Variants in PDC observed in about 807,000 individuals in gnomAD.
PDC encodes 33 kDa phototransducing protein.
A neutral mutation model predicts 22.2 loss-of-function variants in PDC; 19 were observed. The ratio of observed to expected loss-of-function variants is 0.86; its 90% CI spans 0.60 to 1.26. The LOEUF (loss-of-function observed/expected upper bound fraction) is 1.26. PDC is among the 50% of genes most tolerant of loss of function. PDC has a pLI of 0.00. For missense variants in PDC, 274 were observed against 286.8 expected (o/e 0.96, Z 0.32); for synonymous variants, 97 against 96.2 (o/e 1.01, Z -0.05).
chr1:186,451,343 T>G (rs921525594), intron 1 of PDC: 8 of 152,104 alleles, frequency 5.3e-5, no homozygotes, highest in African/African-American at 1.9e-4. Context: ...TAATGGAAAA[T>G]GGAAAGTAAA....
intron 2 of PDC, among the ~76,000 whole-genome samples, chr1:186,447,294 G>A (rs1036387989): frequency 2.9e-4 from 44 of 152,026 alleles, no homozygotes; most frequent in African/African-American, 9.6e-4. Context: ...GACTACAGGC[G>A]CATACCACCA....
At chr1:186,446,340 G>T in intron 3 of PDC, 86 bp downstream of exon 3, 5 of 990,344 alleles carry the variant, frequency 5.0e-6, no homozygotes, top group East Asian at 2.6e-5. Context: ...AATATATTTT[G>T]TAATAGTCTA....
intron 2 of PDC, among the ~76,000 whole-genome samples, chr1:186,447,109 T>G (rs2102128940): frequency 6.6e-6 from 1 of 152,240 alleles, no homozygotes; most frequent in Middle Eastern, 3.4e-3. Context: ...TCTTCTAAGA[T>G]TCTAGGCATA....
intron 2 of PDC, 134 bp downstream of exon 2, chr1:186,449,265 A>G: frequency 2.2e-6 from 1 of 445,544 alleles, no homozygotes; most frequent in Non-Finnish European, 3.9e-6. Context: ...CCGCTCAAAT[A>G]TTTTTTAGAT....
intron 1 of PDC, among the ~76,000 whole-genome samples, chr1:186,460,699 C>T (rs1662564632): frequency 6.6e-6 from 1 of 152,158 alleles, no homozygotes; most frequent in Non-Finnish European, 1.5e-5. Flanking sequence ...GGAGCCAGAT[C>T]TTCAAACATA....
chr1:186,455,007 C>G (rs553550317), intron 1 of PDC, among the ~76,000 whole-genome samples: 1 of 152,220 alleles, frequency 6.6e-6, no homozygotes, highest in African/African-American at 2.4e-5. Context: ...CTTTCTGCCA[C>G]TCTTCTATTT....
intron 3 of PDC, among the ~76,000 whole-genome samples, chr1:186,445,192 G>C (rs996135312): frequency 2.0e-5 from 3 of 152,094 alleles, no homozygotes; most frequent in African/African-American, 7.2e-5. Flanking sequence ...AGAAAAAAAG[G>C]TATAAAGGAA....
chr1:186,456,226 G>C (rs1662468790), intron 1 of PDC, among the ~76,000 whole-genome samples: 1 of 151,548 alleles, frequency 6.6e-6, no homozygotes, highest in Non-Finnish European at 1.5e-5. Context: ...CTTTAGTCCA[G>C]GTCAGATCAA....
intron 1 of PDC, chr1:186,451,196 T>C (rs1571723592): frequency 1.3e-5 from 2 of 152,228 alleles, no homozygotes; most frequent in Non-Finnish European, 2.9e-5. Flanking sequence ...GGAGGTCAAA[T>C]GTCTTTGCCA....
At chr1:186,453,160 T>C (rs1662386472) in intron 1 of PDC, among the ~76,000 whole-genome samples, 1 of 152,186 alleles carries the variant, frequency 6.6e-6, no homozygotes, top group Non-Finnish European at 1.5e-5. Flanking sequence ...GTACTTTATA[T>C]AGGATAACAC....
chr1:186,444,046 C>G lies in PDC; in HGVS notation c.674G>C (p.Gly225Ala), dbSNP rs1662163521. 2 of 1,612,244 alleles carry G rather than the reference C, an allele frequency of 1.2e-6. No homozygotes were observed. The highest frequency in any genetic ancestry group is 1.3e-5 in the African/African-American group (1 of 74,834). The stretch of plus-strand genomic sequence containing the variant: ...ATGTACCTCTCTTTCAGGTAGTAAC[C>G]CATATTCATTTAGGAAAGACTCCAC... Reference protein sequence around the residue: ...GDVESFLNEYGLLPEREVHVL... With the variant: ...GDVESFLNEYALLPEREVHVL... Residue 225 changes from glycine (G) to alanine (A), a missense_variant, in exon 4 of 4, where the codon GGG becomes GCG. Physicochemically the swap from Gly to Ala is moderately conservative, Grantham distance 60. Coordinates refer to ENST00000391997, the MANE Select transcript of PDC (RefSeq NM_002597.5).
intron 3 of PDC, 91 bp downstream of exon 3, chr1:186,446,335 A>T: frequency 1.0e-6 from 1 of 983,818 alleles, no homozygotes; most frequent in Non-Finnish European, 1.4e-6. Flanking sequence ...TAATGAATAT[A>T]TTTTGTAATA....
In PDC at chr1:186,454,075, A is replaced by G. The variant is rs1266964951; in HGVS notation, c.-24-4592T>C. On this transcript the variant is annotated intron_variant, in intron 1 of 3. Coordinates refer to ENST00000391997, the MANE Select transcript of PDC (RefSeq NM_002597.5). ...ATGTCTCTAAATTCCTTGAGACAGT[A>G]CTTATTTGAATGATATATTTTCGCT... Among the ~76,000 whole-genome samples, 6 of 152,028 alleles carry G rather than the reference A, an allele frequency of 3.9e-5. No homozygotes were observed. The East Asian group carries it at 1.2e-3, about 29-fold the overall frequency.
Position 186,454,332 on chromosome 1 carries a change from C to T in PDC, c.-24-4849G>A, listed in dbSNP as rs112959525. On this transcript the variant is annotated intron_variant, in intron 1 of 3. Transcript: ENST00000391997. Reference sequence around the variant, plus strand: ...TAGCTGGGATTACAGGCACACGCCACTATGCCCAGCTAATTTTTGTATTTT... The same window carrying T: ...TAGCTGGGATTACAGGCACACGCCATTATGCCCAGCTAATTTTTGTATTTT... 6.6e-5 allele frequency among the ~76,000 whole-genome samples: 10 copies of T among 152,130 alleles called. 2 individuals are homozygous for T. The highest frequency in any genetic ancestry group is 2.4e-4 in the African/African-American group (10 of 41,504).
intron 1 of PDC, among the ~76,000 whole-genome samples, chr1:186,452,207 T>C (rs1374834778): frequency 1.3e-5 from 2 of 152,208 alleles, no homozygotes; most frequent in Non-Finnish European, 2.9e-5. Context: ...TCTTATCTTT[T>C]TCAAAATGTA....
At chr1:186,448,752 A>C (rs1395405575) in intron 2 of PDC, 1 of 537,932 alleles carries the variant, frequency 1.9e-6, no homozygotes, top group African/African-American at 2.1e-5. Context: ...AATTCTTTCA[A>C]ACTTCTGGCT....
At chr1:186,451,251 G>C (rs952349504) in intron 1 of PDC, 7 of 152,146 alleles carry the variant, frequency 4.6e-5, no homozygotes, top group Admixed American at 1.3e-4. Context: ...TCAAGGGAAA[G>C]CCAATCAATT....
intron 1 of PDC, among the ~76,000 whole-genome samples, chr1:186,459,752 G>GTATGTA (rs1662542044): frequency 8.9e-6 from 1 of 112,084 alleles, no homozygotes; most frequent in East Asian, 2.5e-4. Flanking sequence ...GTGTGTGTGT[G>GTATGTA]TATATATATA....
chr1:186,444,559 A>G (rs559027814), intron 3 of PDC, 53 bp from the exon 4 acceptor site: 14 of 1,229,964 alleles, frequency 1.1e-5, no homozygotes, highest in Middle Eastern at 1.9e-4. Flanking sequence ...TATTCCTTAG[A>G]TATACCAAGC....
Sources: allele counts gnomAD v4.1 joint callset (sites outside exome capture counted in the v4.1 genomes callset), GRCh38; gene constraint gnomAD v4.1.1; transcripts MANE v1.5; gene names NCBI Gene and HGNC (gene_info 2026-07-23, HGNC 2026-07-21).